The following PIK3C2G variants were observed in gnomAD, a reference collection of about 807,000 sequenced individuals.
PIK3C2G encodes the protein phosphatidylinositol-4-phosphate 3-kinase catalytic subunit type 2 gamma.
Under a neutral mutation model 181.1 loss-of-function variants are expected in PIK3C2G, and 168 were observed. The ratio of observed to expected loss-of-function variants is 0.93; its 90% CI spans 0.82 to 1.05. The LOEUF is 1.05. PIK3C2G is among the 50% of genes least tolerant of loss of function. The probability of loss-of-function intolerance (pLI) is 0.00; values close to 1 mark genes in which losing one functional copy is unlikely to be tolerated. For synonymous variants in PIK3C2G, 573 were observed against 592.2 expected, an observed-to-expected ratio of 0.97 and a Z score of 0.47; for missense variants, 1,869 against 1,732.8, an observed-to-expected ratio of 1.08 and a Z score of -1.40.
intron 12 of PIK3C2G, among the ~76,000 whole-genome samples, chr12:18,363,824 A>T (rs995988765): frequency 3.9e-5 from 6 of 152,156 alleles, no homozygotes; most frequent in Non-Finnish European, 7.3e-5. Flanking sequence ...GTCCTGAAAC[A>T]TGGCATGTGA....
At chr12:18,303,336 T>A in intron 5 of PIK3C2G, among the ~76,000 whole-genome samples, 1 of 133,252 alleles carries the variant, frequency 7.5e-6, no homozygotes, top group East Asian at 2.0e-4. Flanking sequence ...TCTCTCTCTC[T>A]CTTTCTTTCT....
intron 30 of PIK3C2G, among the ~76,000 whole-genome samples, chr12:18,600,557 A>G (rs958452017): frequency 6.6e-6 from 1 of 152,088 alleles, no homozygotes; most frequent in African/African-American, 2.4e-5. Flanking sequence ...TAAATGAGTC[A>G]CTATCTAACC....
At chr12:18,650,390 T>C (rs1950393700), downstream of PIK3C2G, among the ~76,000 whole-genome samples, 1 of 137,180 alleles carries the variant, frequency 7.3e-6, no homozygotes, top group South Asian at 2.2e-4. Context: ...TGTGTCTGTG[T>C]ATACACACAC....
In PIK3C2G at chr12:18,371,183, C is replaced by A. The variant is rs774980770; in HGVS notation, c.1752C>A (p.Ile584=). ...FFFLVNWNET[I]NFPLEIKSLP... ...TTCTTCTTTCTTTTATTCTCAGGAT[C>A]AATTTTCCCCTTGAAATAAAGTCAC... Residue 584 remains isoleucine (I), a synonymous_variant, in exon 13 of 33, where the codon ATC becomes ATA. Coordinates refer to ENST00000538779, the MANE Select transcript of PIK3C2G (RefSeq NM_001288772.2). The A allele has an allele frequency of 3.1e-6, 5 of 1,604,046 alleles. No individual in the cohort carries two copies. Among genetic ancestry groups the A allele is most frequent in the South Asian group, 2.2e-5 (2 of 89,224 alleles).
At chr12:18,335,573 T>C (rs986976619) in intron 8 of PIK3C2G, among the ~76,000 whole-genome samples, 32 of 152,072 alleles carry the variant, frequency 2.1e-4, no homozygotes, top group African/African-American at 7.7e-4. Flanking sequence ...AGGCTATGTA[T>C]CAAAAAATAC....
At chr12:18,397,603 A>G (rs1565676291) in intron 15 of PIK3C2G, among the ~76,000 whole-genome samples, 2 of 152,100 alleles carry the variant, frequency 1.3e-5, no homozygotes, top group South Asian at 2.1e-4. Flanking sequence ...AATGGATAAC[A>G]TTGTAAAGAC....
chr12:18,662,408 AC>A, the PIK3C2G span, among the ~76,000 whole-genome samples: 1 of 152,070 alleles, frequency 6.6e-6, no homozygotes, highest in Non-Finnish European at 1.5e-5. Context: ...TCCCAGATAA[AC>A]AAAAGCTGAG....
intron 18 of PIK3C2G, among the ~76,000 whole-genome samples, chr12:18,464,094 T>C (rs986275765): frequency 1.3e-5 from 2 of 152,028 alleles, no homozygotes; most frequent in Non-Finnish European, 2.9e-5. Flanking sequence ...GAGTGAAAAA[T>C]TGTCTGACTT....
At chr12:18,689,515 C>A in the PIK3C2G span, among the ~76,000 whole-genome samples, 1 of 152,150 alleles carries the variant, frequency 6.6e-6, no homozygotes, top group Admixed American at 6.5e-5. Flanking sequence ...AATTCCTCTT[C>A]TTCCAACGTG....
chr12:18,698,175 C>T, the PIK3C2G span, among the ~76,000 whole-genome samples: 1 of 152,018 alleles, frequency 6.6e-6, no homozygotes, highest in Admixed American at 6.6e-5. Flanking sequence ...TACAATCCAA[C>T]TCACATGCAC....
Position 18,576,095 on chromosome 12 carries a change from T to C in PIK3C2G, c.4011+9038T>C, listed in dbSNP as rs146860925. 7.2e-3 allele frequency among the ~76,000 whole-genome samples: 1,101 copies of C among 152,318 alleles called. 9 individuals are homozygous for C. Among genetic ancestry groups the C allele is most frequent in the African/African-American group, 0.011 (445 of 41,574 alleles). On this transcript the variant is annotated intron_variant, in intron 29 of 32. Coordinates refer to ENST00000538779, the MANE Select transcript of PIK3C2G (RefSeq NM_001288772.2). ...AATATATTTTATACACAAACTACTA[T>C]ACAAATAGTGACACACATTTTAAAA...
chr12:18,710,717 T>C, the PIK3C2G span, among the ~76,000 whole-genome samples: 3 of 152,038 alleles, frequency 2.0e-5, no homozygotes, highest in Non-Finnish European at 2.9e-5. Context: ...AAATTCAGGA[T>C]ACATTTTAAA....
intron 18 of PIK3C2G, among the ~76,000 whole-genome samples, chr12:18,470,603 A>G (rs146273619): frequency 2.5e-4 from 38 of 152,262 alleles, no homozygotes; most frequent in African/African-American, 8.7e-4. Flanking sequence ...TATTTGACCT[A>G]TTGACTGTCT....
chr12:18,531,368 T>G (rs74068067), intron 24 of PIK3C2G, among the ~76,000 whole-genome samples: 3 of 152,168 alleles, frequency 2.0e-5, no homozygotes, highest in Non-Finnish European at 4.4e-5. Flanking sequence ...TACAAAGAGA[T>G]TCCATAAATC....
chr12:18,311,456 GTATC>G (rs1031365352), intron 5 of PIK3C2G, among the ~76,000 whole-genome samples: 4 of 151,386 alleles, frequency 2.6e-5, no homozygotes, highest in African/African-American at 7.3e-5. Flanking sequence ...TTATATCTAT[GTATC>G]TATCTATATC....
chr12:18,550,785 C>T (rs1488278070), intron 26 of PIK3C2G, among the ~76,000 whole-genome samples: 1 of 152,014 alleles, frequency 6.6e-6, no homozygotes, highest in Non-Finnish European at 1.5e-5. Context: ...CCACTAGGCT[C>T]ACAGATTGGG....
chr12:18,671,692 G>C, the PIK3C2G span, among the ~76,000 whole-genome samples: 44 of 152,194 alleles, frequency 2.9e-4, no homozygotes, highest in African/African-American at 8.7e-4. Context: ...GAAAGGAAAG[G>C]CTCCAGAAAA....
chr12:18,564,852 G>A (rs528050129), intron 28 of PIK3C2G, among the ~76,000 whole-genome samples: 83 of 152,152 alleles, frequency 5.5e-4, no homozygotes, highest in African/African-American at 1.6e-3. Flanking sequence ...TTTGTTTAAC[G>A]GCTATCCTTT....
At position 18,346,703 on chromosome 12, in the gene PIK3C2G, T is replaced by C; in HGVS notation, c.1492T>C (p.Cys498Arg). 6.2e-7 allele frequency: 1 copy of C among 1,613,388 alleles called. No homozygotes were observed. The highest frequency in any genetic ancestry group is 1.7e-5 in the Admixed American group (1 of 59,984). Residue 498 changes from cysteine (C) to arginine (R), a missense_variant, in exon 11 of 33, where the codon TGT becomes CGT. Cys to Arg is a radical substitution (Grantham distance 180). Transcript: ENST00000538779. Reference sequence around the variant, plus strand: ...CATCTACCAGCTAATCAATGTCTACTGTAACAGCTTTTATGCAGATTTTCA... The same window carrying C: ...CATCTACCAGCTAATCAATGTCTACCGTAACAGCTTTTATGCAGATTTTCA... ...TSIYQLINVY[C>R]NSFYADFQPV...
Sources: gnomAD v4.1 joint callset for allele counts (sites outside exome capture counted in the v4.1 genomes callset) on GRCh38, gnomAD v4.1.1 for gene constraint, MANE v1.5 for transcripts, NCBI Gene and HGNC (gene_info 2026-07-23, HGNC 2026-07-21) for gene names.